Variants in SEMA3A observed in about 807,000 individuals in gnomAD.
SEMA3A encodes the protein semaphorin-3A.
SEMA3A carries 29 observed loss-of-function variants against 97.9 expected under a neutral mutation model. The observed-to-expected ratio is 0.30, with a 90% CI of 0.22 to 0.40. The LOEUF is 0.40. Ranked by LOEUF, SEMA3A falls within the 10% of genes least tolerant of loss-of-function variation. The pLI is 1.00. For synonymous variants in SEMA3A, 321 were observed against 323.7 expected (o/e 0.99, Z 0.09); for missense variants, 763 against 951.3 (o/e 0.80, Z 2.60).
intron 5 of SEMA3A, among the ~76,000 whole-genome samples, chr7:84,054,238 T>C (rs1224945545): frequency 6.6e-6 from 1 of 152,292 alleles, no homozygotes; most frequent in Non-Finnish European, 1.5e-5. Context: ...TCTCTATATT[T>C]CCTGAATCTG....
intron 2 of SEMA3A, among the ~76,000 whole-genome samples, chr7:84,130,475 T>C (rs1795931417): frequency 6.6e-6 from 1 of 152,148 alleles, no homozygotes; most frequent in Non-Finnish European, 1.5e-5. Context: ...TAAATTTGAG[T>C]ATTCTTTCTA....
intron 1 of SEMA3A, among the ~76,000 whole-genome samples, chr7:84,173,653 A>G (rs964918019): frequency 6.6e-6 from 1 of 152,106 alleles, no homozygotes; most frequent in Non-Finnish European, 1.5e-5. Flanking sequence ...TTTCTACATA[A>G]TGGAGAAACC....
chr7:84,315,381 G>T (rs1343742039), intron 2 of SEMA3A, among the ~76,000 whole-genome samples: 6 of 151,940 alleles, frequency 3.9e-5, no homozygotes, highest in African/African-American at 1.5e-4. Context: ...TTTCTTCTTG[G>T]ATGATCGACA....
chr7:84,199,738 A>G (rs1238163056), upstream of SEMA3A, among the ~76,000 whole-genome samples: 1 of 152,056 alleles, frequency 6.6e-6, no homozygotes, highest in Non-Finnish European at 1.5e-5. Context: ...TCTTTTTTCT[A>G]AAAAAGAATT....
chr7:84,065,059 A>T (rs200720664), intron 4 of SEMA3A, among the ~76,000 whole-genome samples: 19,772 of 148,818 alleles, frequency 0.13, 1,347 homozygotes, highest in East Asian at 0.35. Context: ...CAGAAATTAT[A>T]ACAAACTATC....
intron 2 of SEMA3A, among the ~76,000 whole-genome samples, chr7:84,335,447 A>C (rs1283212956): frequency 6.6e-6 from 1 of 152,204 alleles, no homozygotes; most frequent in Non-Finnish European, 1.5e-5. Flanking sequence ...TCCAACTAAG[A>C]AATTGTGATG....
At chr7:84,107,595 C>T (rs893966148) in intron 4 of SEMA3A, among the ~76,000 whole-genome samples, 3 of 152,106 alleles carry the variant, frequency 2.0e-5, no homozygotes, top group Non-Finnish European at 2.9e-5. Flanking sequence ...TCAGAATGCT[C>T]GGGCGGGAAG....
At chr7:84,416,228 C>T (rs1804430365) in intron 1 of SEMA3A, among the ~76,000 whole-genome samples, 1 of 152,034 alleles carries the variant, frequency 6.6e-6, no homozygotes, top group South Asian at 2.1e-4. Flanking sequence ...CAGTGCTATT[C>T]TCGTGATAAT....
At chr7:84,091,343 G>A (rs1268015844) in intron 4 of SEMA3A, among the ~76,000 whole-genome samples, 1 of 105,102 alleles carries the variant, frequency 9.5e-6, no homozygotes, top group African/African-American at 2.8e-5. Flanking sequence ...AGAAAGAGGA[G>A]GGAAGGAAGG....
intron 3 of SEMA3A, among the ~76,000 whole-genome samples, chr7:84,255,799 A>G (rs1294827191): frequency 6.7e-6 from 1 of 150,230 alleles, no homozygotes; most frequent in East Asian, 1.9e-4. Context: ...CTCGGCACTG[A>G]TTTTTTTTTT....
intron 4 of SEMA3A, among the ~76,000 whole-genome samples, chr7:84,099,065 C>CAATAAAAATTCGCATAA (rs1583964171): frequency 1.4e-4 from 13 of 92,540 alleles, no homozygotes; most frequent in East Asian, 6.5e-4. Context: ...ATTACATTTT[C>CAATAAAAATTCGCATAA]TTTTTTTTTC....
intron 11 of SEMA3A, among the ~76,000 whole-genome samples, chr7:84,002,869 A>C (rs1401285033): frequency 1.3e-5 from 2 of 152,174 alleles, no homozygotes; most frequent in Non-Finnish European, 2.9e-5. Context: ...TTTTAATGAC[A>C]AGAGTTGTCA....
At chr7:84,394,423 T>G (rs759988137) in intron 1 of SEMA3A, among the ~76,000 whole-genome samples, 16 of 152,098 alleles carry the variant, frequency 1.1e-4, no homozygotes, top group Non-Finnish European at 2.1e-4. Flanking sequence ...GTCATAGCAT[T>G]CTGTGCATTG....
intron 2 of SEMA3A, among the ~76,000 whole-genome samples, chr7:84,312,681 G>A (rs1242454834): frequency 1.4e-5 from 2 of 146,952 alleles, no homozygotes; most frequent in Non-Finnish European, 1.5e-5. Context: ...ACACACACGC[G>A]TGTACACAAA....
At chr7:84,102,154 G>A (rs990026954) in intron 4 of SEMA3A, among the ~76,000 whole-genome samples, 4 of 152,116 alleles carry the variant, frequency 2.6e-5, no homozygotes, top group African/African-American at 9.7e-5. Context: ...AAACAAGGGT[G>A]CTAGTCTAAG....
At chr7:84,129,659 A>G (rs1795904452) in intron 2 of SEMA3A, among the ~76,000 whole-genome samples, 1 of 152,042 alleles carries the variant, frequency 6.6e-6, no homozygotes, top group African/African-American at 2.4e-5. Context: ...ACATTTTAGA[A>G]TAAGTAACTG....
chr7:84,426,114 A>T (rs1804820825), intron 1 of SEMA3A, among the ~76,000 whole-genome samples: 1 of 152,002 alleles, frequency 6.6e-6, no homozygotes, highest in Non-Finnish European at 1.5e-5. Context: ...AAAAAACTAC[A>T]TATTGGGTAA....
chr7:83,967,211 T>C (rs1788731499), intron 15 of SEMA3A, among the ~76,000 whole-genome samples: 1 of 152,172 alleles, frequency 6.6e-6, no homozygotes, highest in South Asian at 2.1e-4. Flanking sequence ...AGATACCTAA[T>C]CAATATTTTA....
intron 3 of SEMA3A, among the ~76,000 whole-genome samples, chr7:84,253,243 C>A (rs1001811965): frequency 6.6e-6 from 1 of 152,002 alleles, no homozygotes; most frequent in Admixed American, 6.6e-5. Flanking sequence ...TTTTTTATAA[C>A]ATTAATTAAA....
Sources: gnomAD v4.1 joint callset for allele counts (sites outside exome capture counted in the v4.1 genomes callset) on GRCh38, gnomAD v4.1.1 for gene constraint, MANE v1.5 for transcripts, NCBI Gene and HGNC (gene_info 2026-07-23, HGNC 2026-07-21) for gene names.